COMMD10: variants seen among roughly 807,000 people sequenced by gnomAD.
COMMD10 encodes the protein COMM domain-containing protein 10.
COMMD10 carries 33 observed loss-of-function variants against 28.9 expected under a neutral mutation model. The ratio of observed to expected loss-of-function variants is 1.14; its 90% confidence interval spans 0.87 to 1.53. COMMD10 has a LOEUF of 1.53. Ranked by LOEUF, COMMD10 falls within the 40% of genes most tolerant of loss-of-function variation. The pLI, the probability that COMMD10 is intolerant of heterozygous loss-of-function variation, is 0.00. For missense variants in COMMD10, 310 were observed against 233.4 expected, an observed-to-expected ratio of 1.33 and a Z score of -2.14; for synonymous variants, 110 against 81.7, an observed-to-expected ratio of 1.35 and a Z score of -1.87.
chr5:116,150,462 C>T (rs1387665876), intron 5 of COMMD10, among the ~76,000 whole-genome samples: 1 of 152,114 alleles, frequency 6.6e-6, no homozygotes, highest in South Asian at 2.1e-4. Flanking sequence ...TGGCTATTTT[C>T]ATGATATTGA....
At chr5:116,220,173 A>G (rs193252791) in intron 5 of COMMD10, among the ~76,000 whole-genome samples, 3 of 152,364 alleles carry the variant, frequency 2.0e-5, no homozygotes, top group Admixed American at 6.5e-5. Context: ...ATAATAAGAC[A>G]TAACAGTACA....
intron 5 of COMMD10, among the ~76,000 whole-genome samples, chr5:116,230,964 G>T (rs533784493): frequency 6.6e-6 from 1 of 152,240 alleles, no homozygotes; most frequent in Non-Finnish European, 1.5e-5. Flanking sequence ...GTTTCAAATT[G>T]CATCTTAATT....
chr5:116,107,855 A>G (rs191598426), intron 4 of COMMD10, among the ~76,000 whole-genome samples: 185 of 152,188 alleles, frequency 1.2e-3, no homozygotes, highest in Middle Eastern at 6.8e-3. Context: ...TGACCTTTGG[A>G]AGAGGTCTCT....
At chr5:116,125,585 G>A (rs1239767614) in intron 4 of COMMD10, among the ~76,000 whole-genome samples, 1 of 152,082 alleles carries the variant, frequency 6.6e-6, no homozygotes, top group East Asian at 1.9e-4. Flanking sequence ...ACCTGAATTT[G>A]AATGTTGGTC....
intron 5 of COMMD10, among the ~76,000 whole-genome samples, chr5:116,208,884 A>G (rs944448180): frequency 1.3e-5 from 2 of 152,188 alleles, no homozygotes; most frequent in African/African-American, 2.4e-5. Flanking sequence ...CTGTGTATTT[A>G]TGGGATGCAG....
At position 116,168,643 on chromosome 5, in the gene COMMD10, G is replaced by C. The variant is rs1443693687; in HGVS notation, c.510+34465G>C. Among the ~76,000 whole-genome samples, 17 of 152,136 alleles carry C rather than the reference G, an allele frequency of 1.1e-4. 1 individual carries two copies. The highest frequency in any genetic ancestry group is 1.1e-3 in the Admixed American group (17 of 15,266). ...AATCATAACAGACTCTCAGACCACA[G>C]TGCAATCAAATTAGAACTCAAGATT... is the stretch of plus-strand genomic sequence containing the variant. On this transcript the variant is annotated intron_variant, in intron 5 of 6. Transcript: ENST00000274458.
At chr5:116,163,865 T>A (rs1580507761) in intron 5 of COMMD10, among the ~76,000 whole-genome samples, 1 of 152,330 alleles carries the variant, frequency 6.6e-6, no homozygotes, top group South Asian at 2.1e-4. Flanking sequence ...CTACCCAGTT[T>A]CCATTTGTGT....
intron 5 of COMMD10, among the ~76,000 whole-genome samples, chr5:116,142,532 A>G (rs1214780271): frequency 2.0e-5 from 3 of 151,822 alleles, no homozygotes; most frequent in Non-Finnish European, 4.4e-5. Flanking sequence ...GCTTTCTGAA[A>G]TCATTTTGGG....
At chr5:116,245,559 A>G (rs1749926584) in intron 5 of COMMD10, among the ~76,000 whole-genome samples, 1 of 152,146 alleles carries the variant, frequency 6.6e-6, no homozygotes, top group African/African-American at 2.4e-5. Flanking sequence ...TCAGGTCACT[A>G]TGCTTGGTGG....
intron 5 of COMMD10, among the ~76,000 whole-genome samples, chr5:116,166,627 C>G (rs57907464): frequency 6.6e-6 from 1 of 151,946 alleles, no homozygotes; most frequent in African/African-American, 2.4e-5. Flanking sequence ...TCCTCTGAGA[C>G]GAAACTTCCA....
chr5:116,124,855 A>G (rs756010190), intron 4 of COMMD10, among the ~76,000 whole-genome samples: 33 of 151,890 alleles, frequency 2.2e-4, no homozygotes, highest in Non-Finnish European at 4.4e-4. Context: ...ATCTTTGTTT[A>G]AAGTCTGTTT....
chr5:116,272,320 G>A (rs773433003), intron 5 of COMMD10, among the ~76,000 whole-genome samples: 5 of 151,958 alleles, frequency 3.3e-5, no homozygotes, highest in Non-Finnish European at 5.9e-5. Context: ...GATGCTTAAT[G>A]GCTTCCTATT....
chr5:116,146,480 T>C (rs138726321), intron 5 of COMMD10, among the ~76,000 whole-genome samples: 1 of 151,916 alleles, frequency 6.6e-6, no homozygotes, highest in African/African-American at 2.4e-5. Flanking sequence ...GAGGGTATTA[T>C]TGTAAATTTT....
intron 5 of COMMD10, among the ~76,000 whole-genome samples, chr5:116,203,749 A>T (rs972881959): frequency 6.6e-6 from 1 of 152,176 alleles, no homozygotes; most frequent in African/African-American, 2.4e-5. Context: ...AGCACTAAAC[A>T]TGGAAAGGCA....
At chr5:116,206,874 A>G (rs1360177937) in intron 5 of COMMD10, among the ~76,000 whole-genome samples, 1 of 152,150 alleles carries the variant, frequency 6.6e-6, no homozygotes, top group Non-Finnish European at 1.5e-5. Flanking sequence ...TGAGAACCTG[A>G]TTCTGTTGGA....
intron 5 of COMMD10, among the ~76,000 whole-genome samples, chr5:116,134,651 C>A (rs980741277): frequency 1.3e-5 from 2 of 152,178 alleles, no homozygotes; most frequent in African/African-American, 4.8e-5. Flanking sequence ...GAGACGGTGT[C>A]TTGCTGTCGC....
chr5:116,170,428 T>G (rs1382054150), intron 5 of COMMD10, among the ~76,000 whole-genome samples: 1 of 152,184 alleles, frequency 6.6e-6, no homozygotes, highest in Non-Finnish European at 1.5e-5. Flanking sequence ...ATTTGTAGAT[T>G]CAGTGCCATC....
chr5:116,268,158 A>G (rs1199795178), intron 5 of COMMD10, among the ~76,000 whole-genome samples: 1 of 151,984 alleles, frequency 6.6e-6, no homozygotes, highest in Non-Finnish European at 1.5e-5. Flanking sequence ...TAGAATGAAC[A>G]GGCAACCTAC....
At chr5:116,280,820 G>T (rs950291769) in intron 5 of COMMD10, among the ~76,000 whole-genome samples, 2 of 151,750 alleles carry the variant, frequency 1.3e-5, no homozygotes, top group Non-Finnish European at 1.5e-5. Flanking sequence ...TATTGTTATA[G>T]AGAATATATC....
Sources: gnomAD v4.1 joint callset for allele counts (sites outside exome capture counted in the v4.1 genomes callset) on GRCh38, gnomAD v4.1.1 for gene constraint, MANE v1.5 for transcripts, NCBI Gene and HGNC (gene_info 2026-07-23, HGNC 2026-07-21) for gene names.